The following PCDHGB6 variants were observed in gnomAD, a reference collection of about 807,000 sequenced individuals.
PCDHGB6 encodes the protein protocadherin gamma subfamily B, 6.
In PCDHGB6, 51 loss-of-function variants were observed where a neutral mutation model predicts 59.1. The ratio of observed to expected loss-of-function variants is 0.86; its 90% confidence interval spans 0.69 to 1.09. The LOEUF is 1.09. Among genes scored for constraint, PCDHGB6 ranks in the 50% least tolerant of loss-of-function variants. The probability of loss-of-function intolerance (pLI) is 0.00; values close to 1 mark genes in which losing one functional copy is unlikely to be tolerated. For synonymous variants in PCDHGB6, 466 were observed against 495.1 expected, an observed-to-expected ratio of 0.94 and a Z score of 0.78; for missense variants, 1,148 against 1,205.1, an observed-to-expected ratio of 0.95 and a Z score of 0.70.
In PCDHGB6 at chr5:141,491,789, T is replaced by G; in HGVS notation, c.2419-3018T>G. The G allele has an allele frequency of 6.6e-7, 1 of 1,525,854 alleles. No individual in the cohort carries two copies. Among genetic ancestry groups the G allele is most frequent in the Non-Finnish European group, 8.8e-7 (1 of 1,137,340 alleles). The allele number at this position is 1,525,854 out of a possible 1,614,324, so 94.5% of individuals were successfully genotyped here. ...CATAAGGGATTGAACTTGCATCCAC[T>G]CCTCTCCGGCCGGCTTGGTCGCTGG... On this transcript the variant is annotated intron_variant, in intron 1 of 3. Transcript: ENST00000520790. The surrounding 1 kb of genome is among the most constrained non-coding windows in gnomAD (Gnocchi z 6.9).
chr5:141,414,475 C>T (rs2095752413), intron 1 of PCDHGB6: 1 of 1,613,804 alleles, frequency 6.2e-7, no homozygotes, highest in Non-Finnish European at 8.5e-7. Flanking sequence ...TGGGGGAAGT[C>T]CTCCTCTATC....
chr5:141,457,429 C>G (rs73280316), intron 1 of PCDHGB6, among the ~76,000 whole-genome samples: 1,780 of 152,292 alleles, frequency 0.012, 30 homozygotes, highest in African/African-American at 0.04. Context: ...TTTTCCCCCC[C>G]ACCAAGCTGC....
chr5:141,489,491 T>C lies in PCDHGB6; in HGVS notation c.2419-5316T>C. On this transcript the variant is annotated intron_variant, in intron 1 of 3. Transcript: ENST00000520790. This position sits in a 1 kb window ranked among gnomAD's most constrained non-coding sequence, Gnocchi z 4.5. ...TCCCTGAGCTTGATGAGTGGTGCCC[T>C]GGCAGTGAATCAAAAGATTGACCGA... The C allele has an allele frequency of 6.2e-7, 1 of 1,614,066 alleles. No individual in the cohort carries two copies. The highest frequency in any genetic ancestry group is 8.5e-7 in the Non-Finnish European group (1 of 1,180,024).
rs1353509218 is a variant in PCDHGB6, at chr5:141,512,908, TTTATACTC to T, written c.*1737_*1744del. ...CCCTCTTCCTGTGTCTCACGCAAGTTTTATACTCTAATATTTATATGGCTTTTTTTCTT... is the reference window on the plus strand; with the variant it reads ...CCCTCTTCCTGTGTCTCACGCAAGTTTAATATTTATATGGCTTTTTTTCTT... On this transcript the variant is annotated 3_prime_UTR_variant, in exon 4 of 4. Transcript: ENST00000520790. 6.6e-6 allele frequency: 1 copy of T among 152,268 alleles called. No individual in the cohort carries two copies. Among genetic ancestry groups the T allele is most frequent in the Non-Finnish European group, 1.5e-5 (1 of 68,054 alleles). 9.4% of individuals were successfully genotyped at this position (152,268 alleles called of 1,614,324 possible).
chr5:141,429,672 A>G (rs1036863132), intron 1 of PCDHGB6, among the ~76,000 whole-genome samples: 1 of 152,210 alleles, frequency 6.6e-6, no homozygotes, highest in African/African-American at 2.4e-5. Context: ...ATATTATTTT[A>G]TTTTATGCCT....
rs763303627 is a variant in PCDHGB6 at position 141,489,719 on chromosome 5, C to T, written c.2419-5088C>T. The T allele has an allele frequency of 1.4e-5, 22 of 1,613,946 alleles. No homozygotes were observed. The highest frequency in any genetic ancestry group is 9.3e-5 in the African/African-American group (7 of 74,924). On this transcript the variant is annotated intron_variant, in intron 1 of 3. Coordinates refer to ENST00000520790, the MANE Select transcript of PCDHGB6 (RefSeq NM_018926.3). The surrounding 1 kb of genome is among the most constrained non-coding windows in gnomAD (Gnocchi z 4.5). ...TTCCCACTGGACAGTGCCCAGGATCCGGATGTGGGCACCAATACTGTGAGC... is the reference window on the plus strand; with the variant it reads ...TTCCCACTGGACAGTGCCCAGGATCTGGATGTGGGCACCAATACTGTGAGC...
intron 1 of PCDHGB6, among the ~76,000 whole-genome samples, chr5:141,434,609 G>T (rs189866750): frequency 1.3e-5 from 2 of 151,946 alleles, no homozygotes; most frequent in Non-Finnish European, 2.9e-5. Flanking sequence ...CTTTATTTCC[G>T]CCCATCTCTT....
intron 1 of PCDHGB6, chr5:141,424,285 T>A (rs573116321): frequency 6.5e-6 from 1 of 152,894 alleles, no homozygotes; most frequent in South Asian, 2.1e-4. Context: ...CTTTGTCTCA[T>A]TTCTTCATCC....
chr5:141,507,609 A>G (rs2099862010), intron 3 of PCDHGB6, among the ~76,000 whole-genome samples: 1 of 152,260 alleles, frequency 6.6e-6, no homozygotes, highest in Non-Finnish European at 1.5e-5. Context: ...ATAAACAGGT[A>G]TATTTAGCTG....
intron 1 of PCDHGB6, among the ~76,000 whole-genome samples, chr5:141,449,680 T>C (rs2098651613): frequency 6.6e-6 from 1 of 151,546 alleles, no homozygotes; most frequent in Admixed American, 6.6e-5. Flanking sequence ...TATGTATATA[T>C]GTTTGTGTGT....
chr5:141,476,271 C>T lies in PCDHGB6; in HGVS notation c.2419-18536C>T. Reference sequence around the variant, plus strand: ...GGTTTCGCTGTGGGCAACGTGGTCGCGAACCTTGGTTTGGATCTCGGTAGC... The same window carrying T: ...GGTTTCGCTGTGGGCAACGTGGTCGTGAACCTTGGTTTGGATCTCGGTAGC... On this transcript the variant is annotated intron_variant, in intron 1 of 3. Coordinates refer to ENST00000520790, the MANE Select transcript of PCDHGB6 (RefSeq NM_018926.3). This position sits in a 1 kb window ranked among gnomAD's most constrained non-coding sequence, Gnocchi z 7.6. 4 of 1,613,892 alleles carry T rather than the reference C, an allele frequency of 2.5e-6. No homozygotes were observed. The highest frequency in any genetic ancestry group is 3.4e-6 in the Non-Finnish European group (4 of 1,179,974).
Position 141,408,306 on chromosome 5 carries a change from A to C in PCDHGB6, c.104A>C (p.Tyr35Ser), listed in dbSNP as rs866086431. The change falls in exon 1 of 4, where the codon TAC (tyrosine) becomes TCC (serine). Residue 35 changes from tyrosine (Y) to serine (S), a missense_variant. Physicochemically the swap from Tyr to Ser is moderately radical, Grantham distance 144. Around this residue, in one of 5 missense-constraint regions of PCDHGB6, gnomAD observed 307 missense variants for 323.8 expected, o/e 0.95. Transcript: ENST00000520790. Reference sequence around the variant, plus strand: ...CCCACCCTGAGTGAGCCGATCCGCTACTCGATTCCGGAGGAGCTGGCCAAG... The same window carrying C: ...CCCACCCTGAGTGAGCCGATCCGCTCCTCGATTCCGGAGGAGCTGGCCAAG... Reference protein sequence around the residue: ...FYPTLSEPIRYSIPEELAKGS... With the variant: ...FYPTLSEPIRSSIPEELAKGS... The C allele has an allele frequency of 1.2e-6, 2 of 1,613,586 alleles. No homozygotes were observed. Among genetic ancestry groups the C allele is most frequent in the South Asian group, 1.1e-5 (1 of 91,062 alleles).
chr5:141,473,117 C>A (rs976493841), intron 1 of PCDHGB6, among the ~76,000 whole-genome samples: 4 of 152,140 alleles, frequency 2.6e-5, no homozygotes, highest in Admixed American at 1.3e-4. Flanking sequence ...CTTTACTTGG[C>A]TCTTTGGCAA....
At chr5:141,429,647 T>C (rs1430094173) in intron 1 of PCDHGB6, among the ~76,000 whole-genome samples, 2 of 152,272 alleles carry the variant, frequency 1.3e-5, no homozygotes, top group African/African-American at 4.8e-5. Flanking sequence ...TATATATTTC[T>C]TCCCAATTTA....
chr5:141,439,428 C>T (rs1191911600), intron 1 of PCDHGB6, among the ~76,000 whole-genome samples: 1 of 152,170 alleles, frequency 6.6e-6, no homozygotes, highest in Non-Finnish European at 1.5e-5. Flanking sequence ...TATAAATTCC[C>T]AGGAATATTT....
At chr5:141,419,904 C>G (rs2096446397) in intron 1 of PCDHGB6, 2 of 1,614,108 alleles carry the variant, frequency 1.2e-6, no homozygotes, top group Non-Finnish European at 1.7e-6. Flanking sequence ...CCCACACCCT[C>G]TGACTCCCAG....
In PCDHGB6 at chr5:141,431,370, A is replaced by G; in HGVS notation, c.2418+20750A>G. ...CTGAAACGCGCCCTGGACCGCGAAG[A>G]AAAGGCTGCTCACCACCTGGTCCTT... is the stretch of plus-strand genomic sequence containing the variant. On this transcript the variant is annotated intron_variant, in intron 1 of 3. Coordinates refer to ENST00000520790, the MANE Select transcript of PCDHGB6 (RefSeq NM_018926.3). The surrounding 1 kb of genome is among the most constrained non-coding windows in gnomAD (Gnocchi z 4.8). 1 of 1,613,946 alleles carries G rather than the reference A, an allele frequency of 6.2e-7. No homozygotes were observed. The highest frequency in any genetic ancestry group is 8.5e-7 in the Non-Finnish European group (1 of 1,180,014).
rs1391608601 is a variant in PCDHGB6 at position 141,511,893 on chromosome 5, A to G, written c.*720A>G. The G allele has an allele frequency of 6.4e-6, 1 of 155,062 alleles. No homozygotes were observed. Among genetic ancestry groups the G allele is most frequent in the East Asian group, 1.9e-4 (1 of 5,240 alleles). 9.6% of individuals were successfully genotyped at this position (155,062 alleles called of 1,614,324 possible). A position where few individuals can be genotyped will look rare whatever the true frequency, so the allele number is the denominator to read the frequency against. On this transcript the variant is annotated 3_prime_UTR_variant, in exon 4 of 4. Transcript: ENST00000520790. ...TCCACTGCATGCCTTGACTTCCCCC[A>G]CCTCCTCCTCAAACAAGAGACTCCA...
At position 141,490,076 on chromosome 5, in the gene PCDHGB6, A is replaced by G. The variant is rs1025569516; in HGVS notation, c.2419-4731A>G. 2.5e-6 allele frequency: 4 copies of G among 1,614,240 alleles called. No homozygotes were observed. The highest frequency in any genetic ancestry group is 1.3e-5 in the African/African-American group (1 of 75,070). Reference sequence around the variant, plus strand: ...GAGGGCACCAACGGCCAACTAGACTATTCTTTTGGAGACCACACATCTGAG... The same window carrying G: ...GAGGGCACCAACGGCCAACTAGACTGTTCTTTTGGAGACCACACATCTGAG... On this transcript the variant is annotated intron_variant, in intron 1 of 3. Coordinates refer to ENST00000520790, the MANE Select transcript of PCDHGB6 (RefSeq NM_018926.3). The surrounding 1 kb of genome is among the most constrained non-coding windows in gnomAD (Gnocchi z 5.4).
Sources: allele counts gnomAD v4.1 joint callset (sites outside exome capture counted in the v4.1 genomes callset), GRCh38; gene constraint gnomAD v4.1.1; regional missense constraint gnomAD v4.1.1; non-coding constraint Gnocchi (gnomAD v3.1); transcripts MANE v1.5; gene names NCBI Gene and HGNC (gene_info 2026-07-23, HGNC 2026-07-21).